The following SLC44A3 variants were observed in gnomAD, a reference collection of about 807,000 sequenced individuals.
The protein encoded by SLC44A3 is solute carrier family 44 member 3.
Under a neutral mutation model 75.4 loss-of-function variants are expected in SLC44A3, and 74 were observed. The observed-to-expected ratio is 0.98, with a 90% CI of 0.81 to 1.19. SLC44A3 has a LOEUF of 1.19. SLC44A3 is among the 50% of genes most tolerant of loss of function. The pLI is 0.00. For missense variants in SLC44A3, 700 were observed against 778.6 expected, an observed-to-expected ratio of 0.90 and a Z score of 1.20; for synonymous variants, 310 against 296.9, an observed-to-expected ratio of 1.04 and a Z score of -0.45.
In SLC44A3 at chr1:94,849,205, G is replaced by A. The variant is rs542996914; in HGVS notation, c.1072+3741G>A. Among the ~76,000 whole-genome samples, 76 of 152,218 alleles carry A rather than the reference G, an allele frequency of 5.0e-4. No homozygotes were observed. The South Asian group carries it at 7.3e-3, about 15-fold the overall frequency. Reference sequence around the variant, plus strand: ...TCAGGATCACACAGTGAAGTGTGACGATTCACTGTTAGTGCAAGCAGCAAA... The same window carrying A: ...TCAGGATCACACAGTGAAGTGTGACAATTCACTGTTAGTGCAAGCAGCAAA... On this transcript the variant is annotated intron_variant, in intron 9 of 14. Coordinates refer to ENST00000271227, the MANE Select transcript of SLC44A3 (RefSeq NM_001114106.3).
chr1:94,836,421 C>T (rs1235550986), intron 5 of SLC44A3, among the ~76,000 whole-genome samples: 1 of 152,204 alleles, frequency 6.6e-6, no homozygotes, highest in Non-Finnish European at 1.5e-5. Context: ...ATTTACTATC[C>T]ATTTATTGAG....
chr1:94,827,568 G>A lies in SLC44A3; in HGVS notation c.340G>A (p.Ala114Thr). ...EVKGTQLNRM[A>T]LCVSNCPEEQ... ...CAAAGGTACGCAGCTCAACCGCATG[G>A]CCCTCTGTGTATCCAACTGCCCTGA... Residue 114 changes from alanine (A) to threonine (T), a missense_variant, in exon 4 of 15, where the codon GCC (alanine) becomes ACC (threonine). By Grantham distance (58) the Ala-to-Thr change is moderately conservative. Coordinates refer to ENST00000271227, the MANE Select transcript of SLC44A3 (RefSeq NM_001114106.3). 2 of 1,614,122 alleles carry A rather than the reference G, an allele frequency of 1.2e-6. No homozygotes were observed. Among genetic ancestry groups the A allele is most frequent in the Non-Finnish European group, 1.7e-6 (2 of 1,180,014 alleles).
At chr1:94,851,408 G>A (rs929280015) in intron 9 of SLC44A3, among the ~76,000 whole-genome samples, 1 of 152,182 alleles carries the variant, frequency 6.6e-6, no homozygotes, top group Non-Finnish European at 1.5e-5. Flanking sequence ...TGGGCATAGA[G>A]GCAGTGAATA....
chr1:94,842,007 C>T lies in SLC44A3; in HGVS notation c.768C>T (p.Cys256=), dbSNP rs370175944. The T allele has an allele frequency of 3.8e-5, 61 of 1,608,976 alleles. No homozygotes were observed. The highest frequency in any genetic ancestry group is 1.2e-4 in the South Asian group (11 of 90,164). ...SLVILGLLFV[C]GVLWWLYYDY... is the part of the protein sequence containing the mutation. Reference sequence around the variant, plus strand: ...TACTGTTCTCTTTTCTAGTTGTCTGCGGTGTTTTATGGTGGCTGTATTATG... The same window carrying T: ...TACTGTTCTCTTTTCTAGTTGTCTGTGGTGTTTTATGGTGGCTGTATTATG... The change falls in exon 8 of 15, where the codon TGC becomes TGT. Residue 256 remains cysteine, a synonymous_variant. Coordinates refer to ENST00000271227, the MANE Select transcript of SLC44A3 (RefSeq NM_001114106.3).
intron 14 of SLC44A3, among the ~76,000 whole-genome samples, chr1:94,894,247 A>G (rs1432507612): frequency 2.0e-5 from 3 of 152,248 alleles, no homozygotes; most frequent in East Asian, 1.9e-4. Flanking sequence ...TTGATACTCC[A>G]TAATATGGCA....
intron 11 of SLC44A3, among the ~76,000 whole-genome samples, chr1:94,866,782 C>T (rs1171340796): frequency 6.6e-6 from 1 of 152,158 alleles, no homozygotes; most frequent in African/African-American, 2.4e-5. Context: ...CATTCTTAAG[C>T]TATGCACAAG....
chr1:94,853,683 A>T (rs186056370), intron 9 of SLC44A3, among the ~76,000 whole-genome samples: 1 of 152,164 alleles, frequency 6.6e-6, no homozygotes. Context: ...TTCTGATTGC[A>T]TCAGTTTTCT....
In SLC44A3 at chr1:94,837,830, C is replaced by T. The variant is rs754395637; in HGVS notation, c.629C>T (p.Ser210Leu). Residue 210 changes from serine to leucine, a missense_variant, in exon 6 of 15, where the codon TCG (serine) becomes TTG (leucine). By Grantham distance (145) the Ser-to-Leu change is moderately radical. Coordinates refer to ENST00000271227, the MANE Select transcript of SLC44A3 (RefSeq NM_001114106.3). ...TLHRILSGIM[S>L]GRDTILGLCI... ...CACCGAATTCTAAGTGGAATCATGT[C>T]GGGAAGAGATACAATCCTTGGCCTG... The T allele has an allele frequency of 6.2e-6, 10 of 1,611,174 alleles. No individual in the cohort carries two copies. Among genetic ancestry groups the T allele is most frequent in the African/African-American group, 2.7e-5 (2 of 74,868 alleles).
In SLC44A3 at chr1:94,845,501, G is replaced by T. The variant is rs17416040; in HGVS notation, c.1072+37G>T. The T allele has an allele frequency of 5.9e-3, 9,252 of 1,564,126 alleles. 32 individuals carry two copies. The highest frequency in any genetic ancestry group is 6.8e-3 in the Non-Finnish European group (7,939 of 1,161,980). On this transcript the variant is annotated intron_variant, in intron 9 of 14. Coordinates refer to ENST00000271227, the MANE Select transcript of SLC44A3 (RefSeq NM_001114106.3). ...TGGGTGTGGGTTCCATCACCTTGGA[G>T]TCATACACAGAAGACCATTTTGGAA... is the stretch of plus-strand genomic sequence containing the variant.
At chr1:94,821,910 G>A (rs1400400831) in intron 2 of SLC44A3, among the ~76,000 whole-genome samples, 2 of 152,088 alleles carry the variant, frequency 1.3e-5, no homozygotes, top group African/African-American at 4.8e-5. Context: ...CTTATGACCC[G>A]TTTCACATAG....
intron 11 of SLC44A3, among the ~76,000 whole-genome samples, chr1:94,865,425 T>C (rs1024514785): frequency 1.3e-5 from 2 of 152,136 alleles, no homozygotes; most frequent in African/African-American, 4.8e-5. Flanking sequence ...TGAGAGTGTG[T>C]ATGTGTGTGT....
At chr1:94,852,782 G>A (rs1364484471) in intron 9 of SLC44A3, among the ~76,000 whole-genome samples, 1 of 152,220 alleles carries the variant, frequency 6.6e-6, no homozygotes, top group Non-Finnish European at 1.5e-5. Flanking sequence ...ATGAAAGAAA[G>A]AGGAGTTGGA....
intron 8 of SLC44A3, among the ~76,000 whole-genome samples, chr1:94,842,721 G>T (rs1013731598): frequency 6.9e-6 from 1 of 144,968 alleles, no homozygotes; most frequent in Non-Finnish European, 1.5e-5. Flanking sequence ...CAAGGCCCTG[G>T]GGCGGACCCC....
rs374421635 is a variant in SLC44A3 at position 94,882,982 on chromosome 1, T to C, written c.1483-8148T>C. On this transcript the variant is annotated intron_variant, in intron 12 of 14. Transcript: ENST00000271227. Reference sequence around the variant, plus strand: ...TGAATTTGGGTTTCATATGAAGAAATATTATTCAGAAGACATTATTGGTTT... The same window carrying C: ...TGAATTTGGGTTTCATATGAAGAAACATTATTCAGAAGACATTATTGGTTT... 3.5e-4 allele frequency among the ~76,000 whole-genome samples: 53 copies of C among 150,674 alleles called. 1 individual carries two copies. Among genetic ancestry groups the C allele is most frequent in the East Asian group, 1.6e-3 (8 of 5,134 alleles).
chr1:94,838,112 G>A (rs975798811), intron 6 of SLC44A3, among the ~76,000 whole-genome samples: 4 of 152,232 alleles, frequency 2.6e-5, no homozygotes, highest in Non-Finnish European at 5.9e-5. Context: ...CTATGTTCTA[G>A]TGTCTGCTCC....
chr1:94,825,869 C>G, intron 3 of SLC44A3: 7 of 456,268 alleles, frequency 1.5e-5, no homozygotes, highest in South Asian at 1.1e-4. Flanking sequence ...GGAAGGGCGA[C>G]TTAGATGCCC....
intron 10 of SLC44A3, among the ~76,000 whole-genome samples, chr1:94,862,721 A>C (rs566433479): frequency 6.6e-6 from 1 of 152,144 alleles, no homozygotes; most frequent in African/African-American, 2.4e-5. Context: ...GATGTGGTCC[A>C]GTGGGAAGAT....
At chr1:94,879,539 G>GA (rs34622297) in intron 12 of SLC44A3, among the ~76,000 whole-genome samples, 12 of 119,934 alleles carry the variant, frequency 1.0e-4, no homozygotes, top group African/African-American at 3.3e-4. Flanking sequence ...CTCAAAAAAA[G>GA]AAAAAAAAAA....
intron 10 of SLC44A3, among the ~76,000 whole-genome samples, chr1:94,859,827 G>A (rs949371279): frequency 6.6e-6 from 1 of 152,192 alleles, no homozygotes; most frequent in African/African-American, 2.4e-5. Flanking sequence ...AATGTTGGCA[G>A]CTCATTTGAT....
Sources: gnomAD v4.1 joint callset for allele counts (sites outside exome capture counted in the v4.1 genomes callset) on GRCh38, gnomAD v4.1.1 for gene constraint, MANE v1.5 for transcripts, NCBI Gene and HGNC (gene_info 2026-07-23, HGNC 2026-07-21) for gene names.